The following PAXX variants were observed in gnomAD, a reference collection of about 807,000 sequenced individuals.
PAXX encodes the protein PAXX non-homologous end joining factor.
PAXX carries 27 observed loss-of-function variants against 25.6 expected under a neutral mutation model. That is an observed-to-expected ratio of 1.06 (90% confidence interval 0.78 to 1.46). PAXX has a LOEUF of 1.46. PAXX is among the 40% of genes most tolerant of loss of function. The probability of loss-of-function intolerance (pLI) is 0.00; values close to 1 mark genes in which losing one functional copy is unlikely to be tolerated. For synonymous variants in PAXX, 126 were observed against 125.7 expected, an observed-to-expected ratio of 1.00 and a Z score of -0.02; for missense variants, 295 against 280.2, an observed-to-expected ratio of 1.05 and a Z score of -0.38.
Position 136,992,711 on chromosome 9 carries a change from G to T in PAXX, c.180+11G>T. On this transcript the variant is annotated intron_variant, in intron 2 of 6. Transcript: ENST00000371620. ...AGCCTGGCGGCCCTCGTGGGTAACTGGGCGGGTCTGGGAGCCGCCACACCC... is the reference window on the plus strand; with the variant it reads ...AGCCTGGCGGCCCTCGTGGGTAACTTGGCGGGTCTGGGAGCCGCCACACCC... 6.5e-7 allele frequency: 1 copy of T among 1,541,034 alleles called. No homozygotes were observed.
Position 136,992,471 on chromosome 9 carries a change from A to G in PAXX, c.28A>G (p.Thr10Ala). 1 of 1,378,344 alleles carries G rather than the reference A, an allele frequency of 7.3e-7. No individual in the cohort carries two copies. 85.4% of individuals were successfully genotyped at this position (1,378,344 alleles called of 1,614,324 possible). The change falls in exon 1 of 7, where the codon ACG (threonine) becomes GCG (alanine). Residue 10 changes from threonine (T) to alanine (A), a missense_variant. Coordinates refer to ENST00000371620, the MANE Select transcript of PAXX (RefSeq NM_183241.3). MDPLSPPLC[T>A]LPPGPEPPRF... is the part of the protein sequence containing the mutation. ...GGATCCGCTGTCGCCGCCGCTCTGCACGCTGCCGCCGGGCCCCGAGCCGCC... is the reference window on the plus strand; with the variant it reads ...GGATCCGCTGTCGCCGCCGCTCTGCGCGCTGCCGCCGGGCCCCGAGCCGCC...
In PAXX at chr9:136,992,924, G is replaced by C. The variant is rs1399503694; in HGVS notation, c.181-1G>C. 2.5e-6 allele frequency: 4 copies of C among 1,613,450 alleles called. No individual in the cohort carries two copies. Among genetic ancestry groups the C allele is most frequent in the Non-Finnish European group, 3.4e-6 (4 of 1,179,978 alleles). On this transcript the variant is annotated splice_acceptor_variant, in intron 2 of 6. Transcript: ENST00000371620. LOFTEE classifies it high-confidence loss of function. ...TCGTGACAAGCCCCTGTGCTCTCTA[G>C]AAAGCCCGTTTTGGCCTGAGTGCGG...
intron 4 of PAXX, 43 bp from the exon 5 acceptor site, chr9:136,993,300 A>G (rs1160060085): frequency 6.3e-7 from 1 of 1,584,138 alleles, no homozygotes; most frequent in Non-Finnish European, 8.6e-7. Flanking sequence ...TCTTGCCCCC[A>G]CTCCTGGCAC....
chr9:136,992,647 G>C lies in PAXX; in HGVS notation c.127G>C (p.Asp43His), dbSNP rs1447838058. ...DRGGFNLYVT[D>H]AAELWSTCFT... ...ACAGGCCTTCTCCCCCAGCGTGACCGACGCCGCGGAGCTTTGGAGCACCTG... is the reference window on the plus strand; with the variant it reads ...ACAGGCCTTCTCCCCCAGCGTGACCCACGCCGCGGAGCTTTGGAGCACCTG... The change falls in exon 2 of 7, where the codon GAC becomes CAC. Residue 43 changes from aspartate to histidine, a missense_variant. By Grantham distance (81) the Asp-to-His change is moderately conservative. Coordinates refer to ENST00000371620, the MANE Select transcript of PAXX (RefSeq NM_183241.3). 3 of 1,541,310 alleles carry C rather than the reference G, an allele frequency of 1.9e-6. No individual in the cohort carries two copies. In the African/African-American group the frequency reaches 4.1e-5, roughly 21 times the overall value.
In PAXX at chr9:136,993,810, G is replaced by T. The variant is rs1268319174; in HGVS notation, c.*5G>T. 8 of 1,613,490 alleles carry T rather than the reference G, an allele frequency of 5.0e-6. No homozygotes were observed. The highest frequency in any genetic ancestry group is 5.9e-6 in the Non-Finnish European group (7 of 1,180,006). On this transcript the variant is annotated 3_prime_UTR_variant, in exon 7 of 7. Transcript: ENST00000371620. ...GTGGACTTCGATGAGACCTGAAGGT[G>T]CAGCACAAGCGTGGCCCCGCGGGGA... is the stretch of plus-strand genomic sequence containing the variant.
chr9:136,993,361 T>C lies in PAXX; in HGVS notation c.440T>C (p.Val147Ala). The change falls in exon 5 of 7, where the codon GTC becomes GCC. Residue 147 changes from valine to alanine, a missense_variant. Coordinates refer to ENST00000371620, the MANE Select transcript of PAXX (RefSeq NM_183241.3). ...TCCCCAGCTGCAGAAGAGACAGCTG[T>C]CAGCCCGAGGAAGAGCCCCCGGCCT... ...RRLAAAEETA[V>A]SPRKSPRPAG... is the part of the protein sequence containing the mutation. 6.2e-7 allele frequency: 1 copy of C among 1,606,412 alleles called. No homozygotes were observed. The highest frequency in any genetic ancestry group is 8.5e-7 in the Non-Finnish European group (1 of 1,176,594).
rs138737233 is a variant in PAXX at position 136,993,653 on chromosome 9, C to A, written c.564C>A (p.Pro188=). Reference sequence around the variant, plus strand: ...GTCCAGGAGAGTCGCTCATCAACCCCGGGTTCAAGAGGTACCCTCCCACAG... The same window carrying A: ...GTCCAGGAGAGTCGCTCATCAACCCAGGGTTCAAGAGGTACCCTCCCACAG... ...RRCPGESLIN[P]GFKSKKPAGG... The change falls in exon 6 of 7, where the codon CCC becomes CCA. Residue 188 remains proline (P), a synonymous_variant. Coordinates refer to ENST00000371620, the MANE Select transcript of PAXX (RefSeq NM_183241.3). 169 of 1,613,796 alleles carry A rather than the reference C, an allele frequency of 1.0e-4. No homozygotes were observed. In the African/African-American group the frequency reaches 1.9e-3, roughly 18 times the overall value.
At chr9:136,992,792 G>C in intron 2 of PAXX, 92 bp downstream of exon 2, 1 of 1,583,630 alleles carries the variant, frequency 6.3e-7, no homozygotes, top group Non-Finnish European at 8.6e-7. Flanking sequence ...TCCCCAGAAG[G>C]CTCTGACACC....
rs747829305 is a variant in PAXX at position 136,993,235 on chromosome 9, G to A, written c.413G>A (p.Arg138Gln). Reference protein sequence around the residue: ...LAKRVWSLERRLAAAEETAVS... With the variant: ...LAKRVWSLERQLAAAEETAVS... ...AAACGCGTGTGGAGCCTGGAGCGGC[G>A]ACTGGCAGGTAGGATTGGGGGTGGG... The change falls in exon 4 of 7, where the codon CGA becomes CAA. Residue 138 changes from arginine to glutamine, a missense_variant. Transcript: ENST00000371620. The A allele has an allele frequency of 1.2e-5, 18 of 1,539,188 alleles. No homozygotes were observed. The highest frequency in any genetic ancestry group is 2.8e-5 in the African/African-American group (2 of 72,422).
In PAXX at chr9:136,992,442, C is replaced by T. The variant is rs1230050034; in HGVS notation, c.-2C>T. On this transcript the variant is annotated 5_prime_UTR_variant, in exon 1 of 7. Transcript: ENST00000371620. ...CCGCCGGGTTCCCGCTCGCCCGGCGCCATGGATCCGCTGTCGCCGCCGCTC... is the reference window on the plus strand; with the variant it reads ...CCGCCGGGTTCCCGCTCGCCCGGCGTCATGGATCCGCTGTCGCCGCCGCTC... 8 of 1,242,792 alleles carry T rather than the reference C, an allele frequency of 6.4e-6. No homozygotes were observed. In the East Asian group the frequency reaches 2.5e-4, roughly 39 times the overall value. 77.0% of individuals were successfully genotyped at this position (1,242,792 alleles called of 1,614,324 possible).
Position 136,992,712 on chromosome 9 carries a change from G to A in PAXX, c.180+12G>A, listed in dbSNP as rs1161658957. ...GCCTGGCGGCCCTCGTGGGTAACTG[G>A]GCGGGTCTGGGAGCCGCCACACCCC... On this transcript the variant is annotated intron_variant, in intron 2 of 6. Transcript: ENST00000371620. The A allele has an allele frequency of 1.3e-6, 2 of 1,541,062 alleles. No homozygotes were observed. Among genetic ancestry groups the A allele is most frequent in the Admixed American group, 2.0e-5 (1 of 51,052 alleles).
Position 136,993,519 on chromosome 9 carries a change from A to C in PAXX, c.491-61A>C, listed in dbSNP as rs115143902. Reference sequence around the variant, plus strand: ...CCAGAGAGAATGCCTATCTATTCGGAGAAGGTTGTGGTTGGGATGCTGCCA... The same window carrying C: ...CCAGAGAGAATGCCTATCTATTCGGCGAAGGTTGTGGTTGGGATGCTGCCA... On this transcript the variant is annotated intron_variant, in intron 5 of 6. Coordinates refer to ENST00000371620, the MANE Select transcript of PAXX (RefSeq NM_183241.3). The C allele has an allele frequency of 2.2e-3, 3,547 of 1,605,502 alleles. 72 individuals carry two copies. In the African/African-American group the frequency reaches 0.041, roughly 19 times the overall value.
intron 3 of PAXX, 39 bp downstream of exon 3, chr9:136,993,013 G>A: frequency 6.2e-7 from 1 of 1,613,148 alleles, no homozygotes; most frequent in South Asian, 1.1e-5. Flanking sequence ...GTGGGGAGGA[G>A]GAGGGTCTGC....
In PAXX at chr9:136,992,643, G is replaced by A. The variant is rs1371037567; in HGVS notation, c.123G>A (p.Val41=). 2 of 1,541,710 alleles carry A rather than the reference G, an allele frequency of 1.3e-6. No homozygotes were observed. The highest frequency in any genetic ancestry group is 2.4e-5 in the South Asian group (2 of 84,016). The change falls in exon 2 of 7, where the codon GTG becomes GTA. Residue 41 remains valine (V), a synonymous_variant. Transcript: ENST00000371620. ...EGDRGGFNLY[V]TDAAELWSTC... Reference sequence around the variant, plus strand: ...CCTGACAGGCCTTCTCCCCCAGCGTGACCGACGCCGCGGAGCTTTGGAGCA... The same window carrying A: ...CCTGACAGGCCTTCTCCCCCAGCGTAACCGACGCCGCGGAGCTTTGGAGCA...
In PAXX at chr9:136,993,588, C is replaced by T; in HGVS notation, c.499C>T (p.Pro167Ser). 6.2e-7 allele frequency: 1 copy of T among 1,613,902 alleles called. No homozygotes were observed. Among genetic ancestry groups the T allele is most frequent in the South Asian group, 1.1e-5 (1 of 91,088 alleles). ...GTCCTGTTTTCCCCCAGACCCAGATCCCCAGAGAGGTGGCCCTGGACCTGG... is the reference window on the plus strand; with the variant it reads ...GTCCTGTTTTCCCCCAGACCCAGATTCCCAGAGAGGTGGCCCTGGACCTGG... Reference protein sequence around the residue: ...GPQLFLPDPDPQRGGPGPGVR... With the variant: ...GPQLFLPDPDSQRGGPGPGVR... The change falls in exon 6 of 7, where the codon CCC becomes TCC. Residue 167 changes from proline to serine, a missense_variant. Physicochemically the swap from Pro to Ser is moderately conservative, Grantham distance 74. Coordinates refer to ENST00000371620, the MANE Select transcript of PAXX (RefSeq NM_183241.3).
Position 136,993,122 on chromosome 9 carries a change from G to A in PAXX, c.300G>A (p.Gly100=). ...ACAGAGCATCCCTGACGCTTTCAGG[G>A]GGGCCCTCGGCACTGGCCTTTGACC... ...QEDRASLTLS[G]GPSALAFDLS... is the part of the protein sequence containing the mutation. Residue 100 remains glycine, a synonymous_variant, in exon 4 of 7, where the codon GGG becomes GGA. Coordinates refer to ENST00000371620, the MANE Select transcript of PAXX (RefSeq NM_183241.3). The A allele has an allele frequency of 6.2e-7, 1 of 1,602,174 alleles. No homozygotes were observed.
Position 136,993,751 on chromosome 9 carries a change from C to T in PAXX, c.576-15C>T. 6.2e-7 allele frequency: 1 copy of T among 1,613,976 alleles called. No individual in the cohort carries two copies. Among genetic ancestry groups the T allele is most frequent in the African/African-American group, 1.3e-5 (1 of 75,058 alleles). On this transcript the variant is annotated splice_polypyrimidine_tract_variant and intron_variant, in intron 6 of 6. Transcript: ENST00000371620. ...CACACCATAGTGCCATAGTGACACC[C>T]CTCTTCCCTCCCAGTAAGAAACCAG... is the stretch of plus-strand genomic sequence containing the variant.
In PAXX at chr9:136,993,635, A is replaced by C; in HGVS notation, c.546A>C (p.Gly182=). ...CTGGAGTCAGGAGGCGGTGTCCAGGAGAGTCGCTCATCAACCCCGGGTTCA... is the reference window on the plus strand; with the variant it reads ...CTGGAGTCAGGAGGCGGTGTCCAGGCGAGTCGCTCATCAACCCCGGGTTCA... The part of the protein sequence containing the change: ...PGPGVRRRCP[G]ESLINPGFKS... The change falls in exon 6 of 7, where the codon GGA becomes GGC. Residue 182 remains glycine (G), a synonymous_variant. Coordinates refer to ENST00000371620, the MANE Select transcript of PAXX (RefSeq NM_183241.3). The C allele has an allele frequency of 6.2e-7, 1 of 1,613,788 alleles. No homozygotes were observed. Among genetic ancestry groups the C allele is most frequent in the Non-Finnish European group, 8.5e-7 (1 of 1,180,002 alleles).
chr9:136,993,889 C>T lies in PAXX; in HGVS notation c.*84C>T, dbSNP rs569763397. 1.4e-4 allele frequency: 189 copies of T among 1,303,822 alleles called. No homozygotes were observed. In the African/African-American group the frequency reaches 2.6e-3, roughly 18 times the overall value. 80.8% of individuals were successfully genotyped at this position (1,303,822 alleles called of 1,614,324 possible). A position where few individuals can be genotyped will look rare whatever the true frequency, so the allele number is the denominator to read the frequency against. On this transcript the variant is annotated 3_prime_UTR_variant, in exon 7 of 7. Coordinates refer to ENST00000371620, the MANE Select transcript of PAXX (RefSeq NM_183241.3). ...TGAGGCCCCCATCAGAGACCCCCCG[C>T]CACCACCTCCACCTGCCTGTCCTGG...
Sources: allele counts gnomAD v4.1 joint callset, GRCh38; gene constraint gnomAD v4.1.1; transcripts MANE v1.5; gene names NCBI Gene and HGNC (gene_info 2026-07-23, HGNC 2026-07-21).